TARS1: variants seen among roughly 807,000 people sequenced by gnomAD.
TARS1 encodes threonine--tRNA ligase 1, cytoplasmic.
TARS1 carries 57 observed loss-of-function variants against 97.7 expected under a neutral mutation model. The ratio of observed to expected loss-of-function variants is 0.58; its 90% CI spans 0.47 to 0.73. The LOEUF (loss-of-function observed/expected upper bound fraction) is 0.73. Among genes scored for constraint, TARS1 ranks in the 30% least tolerant of loss-of-function variants. The probability of loss-of-function intolerance (pLI) is 0.00; values close to 1 mark genes in which losing one functional copy is unlikely to be tolerated. For missense variants in TARS1, 806 were observed against 888.3 expected, an observed-to-expected ratio of 0.91 and a Z score of 1.18; for synonymous variants, 312 against 293.7, an observed-to-expected ratio of 1.06 and a Z score of -0.64.
chr5:33,443,259 T>C (rs1561066020), intron 1 of TARS1, among the ~76,000 whole-genome samples: 1 of 151,224 alleles, frequency 6.6e-6, no homozygotes. Context: ...TGTTCTTGTT[T>C]GTAAAATGGA....
At chr5:33,456,407 G>T (rs1205263039) in intron 8 of TARS1, among the ~76,000 whole-genome samples, 180 bp downstream of exon 8, 2 of 152,176 alleles carry the variant, frequency 1.3e-5, no homozygotes, top group Non-Finnish European at 2.9e-5. Flanking sequence ...CCCTCAAGGG[G>T]TGACTGACTT....
At chr5:33,453,195 A>G (rs1222534254) in intron 3 of TARS1, 94 bp from the exon 4 acceptor site, 2 of 1,307,138 alleles carry the variant, frequency 1.5e-6, no homozygotes, top group African/African-American at 3.0e-5. Context: ...AAAAAACAAT[A>G]TATAATAAAA....
At chr5:33,464,682 G>A (rs986072842) in intron 17 of TARS1, among the ~76,000 whole-genome samples, 1 of 152,178 alleles carries the variant, frequency 6.6e-6, no homozygotes, top group Non-Finnish European at 1.5e-5. Flanking sequence ...TTAGGAGCTT[G>A]AGGCAGGAGG....
upstream of TARS1, chr5:33,440,794 A>AT: frequency 1.9e-6 from 1 of 530,318 alleles, no homozygotes; most frequent in Non-Finnish European, 3.4e-6. Context: ...GAGAGTAGGC[A>AT]TGTAGCTTCT....
At position 33,459,984 on chromosome 5, in the gene TARS1, G is replaced by T. The variant is rs928771778; in HGVS notation, c.1250+123G>T. 12 of 1,042,080 alleles carry T rather than the reference G, an allele frequency of 1.2e-5. No individual in the cohort carries two copies. The Admixed American group carries it at 3.3e-4, about 29-fold the overall frequency. 64.6% of individuals were successfully genotyped at this position (1,042,080 alleles called of 1,614,324 possible). ...TATGTGATCAGAAGAGCATTTAAAC[G>T]CAACATCTTTGTATTATATCTTCTG... is the stretch of plus-strand genomic sequence containing the variant. On this transcript the variant is annotated intron_variant, in intron 11 of 18. Coordinates refer to ENST00000265112, the MANE Select transcript of TARS1 (RefSeq NM_152295.5).
intron 4 of TARS1, among the ~76,000 whole-genome samples, chr5:33,454,471 G>A (rs1741914354): frequency 6.6e-6 from 1 of 152,154 alleles, no homozygotes; most frequent in South Asian, 2.1e-4. Flanking sequence ...TCATTGTGTT[G>A]TGGGGTCGGG....
chr5:33,456,017 T>C lies in TARS1; in HGVS notation c.709T>C (p.Cys237Arg). Residue 237 changes from cysteine to arginine, a missense_variant, in exon 7 of 19, where the codon TGC becomes CGC. Around this residue, in one of 3 missense-constraint regions of TARS1, gnomAD observed 356 missense variants for 357.8 expected, o/e 0.99. Coordinates refer to ENST00000265112, the MANE Select transcript of TARS1 (RefSeq NM_152295.5). ...CTGTTTTCAGTACAACAAGTTCAAA[T>C]GCCGGATATTGAATGAAAAGGTGAA... ...LAMFKYNKFKCRILNEKVNTP... is the reference protein window; with the variant it reads ...LAMFKYNKFKRRILNEKVNTP... 1 of 1,613,834 alleles carries C rather than the reference T, an allele frequency of 6.2e-7. No individual in the cohort carries two copies. Among genetic ancestry groups the C allele is most frequent in the Non-Finnish European group, 8.5e-7 (1 of 1,179,874 alleles).
chr5:33,451,453 C>A (rs1338695954), intron 3 of TARS1, among the ~76,000 whole-genome samples: 1 of 151,232 alleles, frequency 6.6e-6, no homozygotes, highest in African/African-American at 2.4e-5. Flanking sequence ...TGGCTCACTG[C>A]AAGCTCCGCT....
chr5:33,467,446 T>C (rs1230071894), intron 18 of TARS1, 114 bp from the exon 19 acceptor site: 1 of 1,179,124 alleles, frequency 8.5e-7, no homozygotes. Context: ...TTTTAATGTA[T>C]CAGAAGCTAT....
chr5:33,461,144 T>C lies in TARS1; in HGVS notation c.1414-14T>C. On this transcript the variant is annotated splice_polypyrimidine_tract_variant and intron_variant, in intron 12 of 18. Coordinates refer to ENST00000265112, the MANE Select transcript of TARS1 (RefSeq NM_152295.5). ...AAATAACTACTGTTTCTTTTTTTGTTTTTTAATTTGAAGATTGAAGATGAA... is the reference window on the plus strand; with the variant it reads ...AAATAACTACTGTTTCTTTTTTTGTCTTTTAATTTGAAGATTGAAGATGAA... 6.2e-7 allele frequency: 1 copy of C among 1,602,152 alleles called. No homozygotes were observed. Among genetic ancestry groups the C allele is most frequent in the Non-Finnish European group, 8.5e-7 (1 of 1,174,722 alleles).
rs1464289879 is a variant in TARS1 at position 33,462,171 on chromosome 5, T to G, written c.1803T>G (p.Ile601Met). Residue 601 changes from isoleucine (I) to methionine (M), a missense_variant, in exon 16 of 19, where the codon ATT (isoleucine) becomes ATG (methionine). This residue lies in a region of TARS1 where 446 missense variants were observed against 511.0 expected (regional missense o/e 0.87). Transcript: ENST00000265112. ...TCTTGGGATCAGTGGAAAGAATGAT[T>G]GCTATCCTCACAGAAAACTATGGGG... ...RAILGSVERM[I>M]AILTENYGGK... The G allele has an allele frequency of 1.2e-6, 2 of 1,612,904 alleles. No homozygotes were observed. Among genetic ancestry groups the G allele is most frequent in the South Asian group, 2.2e-5 (2 of 90,988 alleles).
chr5:33,464,995 G>A (rs1742464260), intron 17 of TARS1, among the ~76,000 whole-genome samples: 3 of 152,126 alleles, frequency 2.0e-5, no homozygotes. Context: ...GAACCCAGGA[G>A]GCGGAGCTTG....
intron 1 of TARS1, among the ~76,000 whole-genome samples, chr5:33,443,320 CCTCTCTCTCTCTCT>C (rs769681224): frequency 0.079 from 9,363 of 118,530 alleles, 427 homozygotes; most frequent in South Asian, 0.25. Flanking sequence ...TCTCTCTCTC[CCTCTCTCTCTCTCT>C]CTCTCTCTCT....
Position 33,460,986 on chromosome 5 carries a change from G to A in TARS1, c.1335G>A (p.Leu445=), listed in dbSNP as rs759545631. The A allele has an allele frequency of 6.2e-7, 1 of 1,614,162 alleles. No individual in the cohort carries two copies. Among genetic ancestry groups the A allele is most frequent in the South Asian group, 1.1e-5 (1 of 91,084 alleles). The change falls in exon 12 of 19, where the codon CTG becomes CTA. Residue 445 remains leucine (L), a synonymous_variant. Transcript: ENST00000265112. The part of the protein sequence containing the change: ...ADFGVLHRNE[L]SGALTGLTRV... ...TTGGGGTACTTCATAGGAACGAGCT[G>A]TCTGGAGCACTCACAGGACTCACCC...
At position 33,463,768 on chromosome 5, in the gene TARS1, C is replaced by G. The variant is rs751453005; in HGVS notation, c.1851C>G (p.Ser617=). ...NYGGKWPFWL[S]PRQVMVVPVG... is the part of the protein sequence containing the mutation. ...TCTTCCAAAGGCCCTTTTGGCTGTC[C>G]CCTCGCCAGGTAATGGTAGTTCCAG... The change falls in exon 17 of 19, where the codon TCC becomes TCG. Residue 617 remains serine (S), a synonymous_variant. Transcript: ENST00000265112. 2.9e-5 allele frequency: 46 copies of G among 1,611,990 alleles called. No individual in the cohort carries two copies. The highest frequency in any genetic ancestry group is 1.7e-4 in the South Asian group (15 of 90,556).
intron 5 of TARS1, 139 bp downstream of exon 5, chr5:33,455,205 G>GT (rs1164746046): frequency 1.7e-6 from 2 of 1,144,676 alleles, no homozygotes; most frequent in Admixed American, 5.5e-5. Flanking sequence ...AGTACTTGAA[G>GT]TGTTGCAATT....
intron 10 of TARS1, among the ~76,000 whole-genome samples, chr5:33,459,125 G>A (rs974311119): frequency 1.3e-5 from 2 of 151,746 alleles, no homozygotes; most frequent in Non-Finnish European, 2.9e-5. Context: ...TGTTTAAAAA[G>A]CCTCTCTTTA....
At chr5:33,443,306 C>CCCCTCT (rs1741211628) in intron 1 of TARS1, among the ~76,000 whole-genome samples, 1 of 85,512 alleles carries the variant, frequency 1.2e-5, no homozygotes, top group Non-Finnish European at 2.3e-5. Flanking sequence ...GTGGTGATTC[C>CCCCTCT]CTCTCTCTCT....
rs183486157 is a variant in TARS1, at chr5:33,455,043, T to C, written c.552T>C (p.Tyr184=). ...GTCCGCCAATAGAAAATGGATTCTATTATGACATGTACCTCGAAGAAGGGT... is the reference window on the plus strand; with the variant it reads ...GTCCGCCAATAGAAAATGGATTCTACTATGACATGTACCTCGAAGAAGGGT... ...CYGPPIENGF[Y]YDMYLEEGGV... Residue 184 remains tyrosine (Y), a synonymous_variant, in exon 5 of 19, where the codon TAT becomes TAC. Coordinates refer to ENST00000265112, the MANE Select transcript of TARS1 (RefSeq NM_152295.5). 5 of 1,613,828 alleles carry C rather than the reference T, an allele frequency of 3.1e-6. No homozygotes were observed. The Admixed American group carries it at 8.3e-5, about 27-fold the overall frequency.
Sources: allele counts gnomAD v4.1 joint callset (sites outside exome capture counted in the v4.1 genomes callset), GRCh38; gene constraint gnomAD v4.1.1; regional missense constraint gnomAD v4.1.1; transcripts MANE v1.5; gene names NCBI Gene and HGNC (gene_info 2026-07-23, HGNC 2026-07-21).